The following VPS8 variants were observed in gnomAD, a reference collection of about 807,000 sequenced individuals.
VPS8 encodes VPS8 subunit of CORVET complex.
A neutral mutation model predicts 216.4 loss-of-function variants in VPS8; 129 were observed. The ratio of observed to expected loss-of-function variants is 0.60; its 90% CI spans 0.52 to 0.69. The LOEUF is 0.69. Among genes scored for constraint, VPS8 ranks in the 30% least tolerant of loss-of-function variants. The pLI is 0.00. For synonymous variants in VPS8, 571 were observed against 565.4 expected (o/e 1.01, Z -0.14); for missense variants, 1,531 against 1,683.5 (o/e 0.91, Z 1.59).
chr3:184,881,895 T>C (rs1298855752), intron 21 of VPS8, among the ~76,000 whole-genome samples: 2 of 152,226 alleles, frequency 1.3e-5, no homozygotes, highest in East Asian at 1.9e-4. Flanking sequence ...GGTATTCATA[T>C]GTTCAGTAAT....
intron 37 of VPS8, among the ~76,000 whole-genome samples, chr3:184,960,509 A>ATT (rs1368317396): frequency 6.6e-6 from 1 of 152,196 alleles, no homozygotes; most frequent in East Asian, 1.9e-4. Context: ...ACATAACCAG[A>ATT]TTTCTAGGAA....
rs759423973 is a variant in VPS8 at position 184,869,514 on chromosome 3, A to G, written c.1630A>G (p.Ile544Val). 264 of 1,613,458 alleles carry G rather than the reference A, an allele frequency of 1.6e-4. 1 individual carries two copies. Among genetic ancestry groups the G allele is most frequent in the South Asian group, 1.2e-3 (113 of 91,078 alleles). Residue 544 changes from isoleucine (I) to valine (V), a missense_variant, in exon 20 of 48, where the codon ATT becomes GTT. Physicochemically the swap from Ile to Val is conservative, Grantham distance 29. Coordinates refer to ENST00000625842, the MANE Select transcript of VPS8 (RefSeq NM_001009921.3). Reference sequence around the variant, plus strand: ...AGGGGATGCCAGTAAGCGAAAGGCTATTGTTGCAGACCGGGTGAGTATTTT... The same window carrying G: ...AGGGGATGCCAGTAAGCGAAAGGCTGTTGTTGCAGACCGGGTGAGTATTTT... ...LSGDASKRKAIVADRMVEILF... is the reference protein window; with the variant it reads ...LSGDASKRKAVVADRMVEILF...
intron 36 of VPS8, among the ~76,000 whole-genome samples, chr3:184,940,595 G>A (rs1463934705): frequency 6.6e-6 from 1 of 152,108 alleles, no homozygotes; most frequent in Non-Finnish European, 1.5e-5. Flanking sequence ...GTGGGTGATT[G>A]ATGGTGGCTC....
At chr3:184,842,911 G>C (rs574551185) in intron 7 of VPS8, among the ~76,000 whole-genome samples, 1 of 151,494 alleles carries the variant, frequency 6.6e-6, no homozygotes, top group Admixed American at 6.6e-5. Context: ...CCCATCCCAG[G>C]GTTCTTAGTT....
Position 184,852,524 on chromosome 3 carries a change from A to G in VPS8, c.778A>G (p.Ile260Val). 1 of 1,613,642 alleles carries G rather than the reference A, an allele frequency of 6.2e-7. No individual in the cohort carries two copies. The highest frequency in any genetic ancestry group is 8.5e-7 in the Non-Finnish European group (1 of 1,179,700). The change falls in exon 11 of 48, where the codon ATT (isoleucine) becomes GTT (valine). Residue 260 changes from isoleucine (I) to valine (V), a missense_variant. This residue lies in a region of VPS8 where 1,318 missense variants were observed against 1,468.4 expected (regional missense o/e 0.90). Transcript: ENST00000625842. The stretch of plus-strand genomic sequence containing the variant: ...GTTTACAGATGATCCAACTCTTGCA[A>G]TTTGCAACGACAGCGGAGGCTCTGT... Reference protein sequence around the residue: ...IKFTDDPTLAICNDSGGSVFE... With the variant: ...IKFTDDPTLAVCNDSGGSVFE...
At position 184,843,264 on chromosome 3, in the gene VPS8, G is replaced by T; in HGVS notation, c.541+19G>T. 1 of 1,390,678 alleles carries T rather than the reference G, an allele frequency of 7.2e-7. No homozygotes were observed. Among genetic ancestry groups the T allele is most frequent in the African/African-American group, 1.4e-5 (1 of 69,426 alleles). The allele number at this position is 1,390,678 out of a possible 1,614,324, so 86.1% of individuals were successfully genotyped here. A position where few individuals can be genotyped will look rare whatever the true frequency, so the allele number is the denominator to read the frequency against. ...GGAAAAGGTATAGTAAGTAATTTTA[G>T]TTTGCATGAATGGTTTCTTTTGGTC... On this transcript the variant is annotated intron_variant, in intron 8 of 47. Coordinates refer to ENST00000625842, the MANE Select transcript of VPS8 (RefSeq NM_001009921.3).
chr3:184,834,758 T>C lies in VPS8; in HGVS notation c.447+16T>C, dbSNP rs1278288867. 6.5e-7 allele frequency: 1 copy of C among 1,543,736 alleles called. No homozygotes were observed. The highest frequency in any genetic ancestry group is 2.0e-5 in the Admixed American group (1 of 50,212). Reference sequence around the variant, plus strand: ...GTCTGCAGCTGTAAGTATTTTGTTCTTTTCCCTCAACTTTGTAACCTGCAA... The same window carrying C: ...GTCTGCAGCTGTAAGTATTTTGTTCCTTTCCCTCAACTTTGTAACCTGCAA... On this transcript the variant is annotated intron_variant, in intron 5 of 47. Transcript: ENST00000625842.
chr3:184,862,792 T>A, intron 15 of VPS8, 105 bp from the exon 16 acceptor site: 1 of 1,182,552 alleles, frequency 8.5e-7, no homozygotes, highest in Non-Finnish European at 1.2e-6. Context: ...GTTAAATGGA[T>A]CAAGTCCTCA....
At chr3:184,879,764 G>T (rs1436965123) in intron 21 of VPS8, among the ~76,000 whole-genome samples, 1 of 152,134 alleles carries the variant, frequency 6.6e-6, no homozygotes, top group African/African-American at 2.4e-5. Context: ...TCTTTGTGTA[G>T]CCCTTGCCAG....
intron 31 of VPS8, among the ~76,000 whole-genome samples, chr3:184,928,133 C>A (rs1271449471): frequency 1.3e-5 from 2 of 152,194 alleles, no homozygotes; most frequent in Non-Finnish European, 2.9e-5. Context: ...TAAAAATTCA[C>A]TTCTTGAAAG....
intron 22 of VPS8, chr3:184,893,413 G>A: frequency 2.0e-6 from 2 of 999,970 alleles, no homozygotes; most frequent in Non-Finnish European, 2.5e-6. Context: ...ATCTCAACAG[G>A]TAAATAAAAT....
chr3:184,836,329 A>G (rs1464356591), intron 5 of VPS8: 1 of 456,470 alleles, frequency 2.2e-6, no homozygotes, highest in Non-Finnish European at 4.4e-6. Flanking sequence ...TTTAATCCTT[A>G]TGTAGGTGAT....
At chr3:184,848,173 A>G (rs1723494107) in intron 8 of VPS8, among the ~76,000 whole-genome samples, 1 of 152,138 alleles carries the variant, frequency 6.6e-6, no homozygotes, top group Non-Finnish European at 1.5e-5. Context: ...TCAGCCTCCC[A>G]AAGTGCTGGG....
At chr3:184,886,760 T>C (rs945601028) in intron 22 of VPS8, among the ~76,000 whole-genome samples, 3 of 152,024 alleles carry the variant, frequency 2.0e-5, no homozygotes, top group Non-Finnish European at 2.9e-5. Flanking sequence ...TTTGTATCTT[T>C]AATAGAGACG....
rs1670956733 is a variant in VPS8, at chr3:184,853,733, G to A, written c.822-124G>A. 10 of 939,040 alleles carry A rather than the reference G, an allele frequency of 1.1e-5. No individual in the cohort carries two copies. The South Asian group carries it at 1.5e-4, about 14-fold the overall frequency. 58.2% of individuals were successfully genotyped at this position (939,040 alleles called of 1,614,324 possible). On this transcript the variant is annotated intron_variant, in intron 11 of 47. Coordinates refer to ENST00000625842, the MANE Select transcript of VPS8 (RefSeq NM_001009921.3). ...TAAAAAGACCATGCTGCTGTCCTGT[G>A]GAGCTTGGATTGTTGGGGGTTAAGG...
intron 43 of VPS8, among the ~76,000 whole-genome samples, 196 bp downstream of exon 43, chr3:184,994,259 T>C (rs902519748): frequency 2.6e-5 from 4 of 152,128 alleles, no homozygotes; most frequent in Admixed American, 1.3e-4. Context: ...GCCAGCACTT[T>C]GGAAGACTGA....
At chr3:184,935,691 A>G (rs954294086) in intron 34 of VPS8, among the ~76,000 whole-genome samples, 4 of 152,234 alleles carry the variant, frequency 2.6e-5, no homozygotes, top group Non-Finnish European at 5.9e-5. Flanking sequence ...GGTCAAATTA[A>G]AAGTCTTATA....
At chr3:184,859,946 C>A in intron 14 of VPS8, 39 bp from the exon 15 acceptor site, 1 of 1,509,472 alleles carries the variant, frequency 6.6e-7, no homozygotes, top group Non-Finnish European at 9.2e-7. Flanking sequence ...GTCCCTCAAA[C>A]AGTAGCTGGT....
At position 184,953,038 on chromosome 3, in the gene VPS8, G is replaced by A. The variant is rs530471920; in HGVS notation, c.3036-4336G>A. 2.6e-5 allele frequency among the ~76,000 whole-genome samples: 4 copies of A among 152,300 alleles called. No homozygotes were observed. In the South Asian group the frequency reaches 8.3e-4, roughly 32 times the overall value. ...ATAAGGGAGGGGCCTACTGAGGCAT[G>A]TCAGACCTGCCATCCTGTCATGGCT... On this transcript the variant is annotated intron_variant, in intron 36 of 47. Coordinates refer to ENST00000625842, the MANE Select transcript of VPS8 (RefSeq NM_001009921.3).
Sources: allele counts gnomAD v4.1 joint callset (sites outside exome capture counted in the v4.1 genomes callset), GRCh38; gene constraint gnomAD v4.1.1; regional missense constraint gnomAD v4.1.1; transcripts MANE v1.5; gene names NCBI Gene and HGNC (gene_info 2026-07-23, HGNC 2026-07-21).